USP47: variants seen among roughly 807,000 people sequenced by gnomAD.
The protein encoded by USP47 is ubiquitin specific peptidase 47, also known as ubiquitin carboxyl-terminal hydrolase 47.
In USP47, 35 loss-of-function variants were observed where a neutral mutation model predicts 165.1. The ratio of observed to expected loss-of-function variants is 0.21; its 90% confidence interval spans 0.16 to 0.28. The LOEUF is 0.28. Ranked by LOEUF, USP47 falls within the 10% of genes least tolerant of loss-of-function variation. USP47 has a pLI of 1.00. For missense variants in USP47, 1,277 were observed against 1,607.4 expected (o/e 0.79, Z 3.52); for synonymous variants, 531 against 544.5 (o/e 0.98, Z 0.35).
intron 1 of USP47, among the ~76,000 whole-genome samples, chr11:11,862,319 C>G (rs1360894555): frequency 6.6e-6 from 1 of 152,082 alleles, no homozygotes; most frequent in African/African-American, 2.4e-5. Context: ...AGATTTTCTA[C>G]TTCTGTGGTT....
chr11:11,928,433 G>C (rs1854415111), intron 11 of USP47, among the ~76,000 whole-genome samples: 1 of 151,792 alleles, frequency 6.6e-6, no homozygotes, highest in Non-Finnish European at 1.5e-5. Context: ...AATATATTGT[G>C]GTCAGTTTAA....
At chr11:11,895,558 A>G (rs572806346) in intron 4 of USP47, among the ~76,000 whole-genome samples, 24 of 152,340 alleles carry the variant, frequency 1.6e-4, no homozygotes, top group African/African-American at 4.3e-4. Flanking sequence ...CTCTAGAAAC[A>G]CATTTCTCAG....
chr11:11,872,648 A>G (rs1436049355), intron 1 of USP47, among the ~76,000 whole-genome samples: 2 of 152,238 alleles, frequency 1.3e-5, no homozygotes, highest in African/African-American at 2.4e-5. Flanking sequence ...ACTGCACAGC[A>G]TCACCTCCTT....
chr11:11,933,451 A>G (rs1326235185), intron 15 of USP47, among the ~76,000 whole-genome samples: 1 of 152,130 alleles, frequency 6.6e-6, no homozygotes, highest in African/African-American at 2.4e-5. Context: ...TTTTAATATA[A>G]TTTCTCTTAT....
At chr11:11,912,973 G>T (rs532936769) in intron 8 of USP47, among the ~76,000 whole-genome samples, 1 of 152,076 alleles carries the variant, frequency 6.6e-6, no homozygotes, top group Admixed American at 6.5e-5. Flanking sequence ...TAATAACTCA[G>T]ATTACTAGGA....
At position 11,936,342 on chromosome 11, in the gene USP47, C is replaced by A. The variant is rs763135771; in HGVS notation, c.1909C>A (p.Arg637Ser). ...LEEVIPLDCC[R>S]LVKYDEFHDY... ...AGAGGTAATACCCCTGGATTGCTGTCGCCTTGTTAAATATGATGAGTTTCA... is the reference window on the plus strand; with the variant it reads ...AGAGGTAATACCCCTGGATTGCTGTAGCCTTGTTAAATATGATGAGTTTCA... The change falls in exon 17 of 28, where the codon CGC becomes AGC. Residue 637 changes from arginine (R) to serine (S), a missense_variant. Physicochemically the swap from Arg to Ser is moderately radical, Grantham distance 110. Coordinates refer to ENST00000527733, the MANE Select transcript of USP47 (RefSeq NM_001282659.2). 2 of 1,605,600 alleles carry A rather than the reference C, an allele frequency of 1.2e-6. No homozygotes were observed. Among genetic ancestry groups the A allele is most frequent in the South Asian group, 1.1e-5 (1 of 90,136 alleles).
At chr11:11,948,369 C>T in intron 21 of USP47, 109 bp from the exon 22 acceptor site, 1 of 964,026 alleles carries the variant, frequency 1.0e-6, no homozygotes, top group Non-Finnish European at 1.6e-6. Flanking sequence ...TATGCCTGTT[C>T]TCAGAGAGCC....
intron 1 of USP47, among the ~76,000 whole-genome samples, chr11:11,869,164 G>A (rs1849870213): frequency 6.6e-6 from 1 of 152,046 alleles, no homozygotes; most frequent in African/African-American, 2.4e-5. Context: ...TATGATTTTG[G>A]TGTCAAGGCT....
At chr11:11,864,176 T>A (rs945381052) in intron 1 of USP47, among the ~76,000 whole-genome samples, 1 of 152,048 alleles carries the variant, frequency 6.6e-6, no homozygotes, top group Non-Finnish European at 1.5e-5. Context: ...TTAAAAAAAT[T>A]TTTTTGTATT....
At chr11:11,880,479 A>G in intron 2 of USP47, 99 bp downstream of exon 2, 1 of 945,512 alleles carries the variant, frequency 1.1e-6, no homozygotes, top group Non-Finnish European at 1.4e-6. Context: ...AAAATCATAA[A>G]CAAAAGTATA....
In USP47 at chr11:11,953,753, T is replaced by C. The variant is rs1337180287; in HGVS notation, c.3714+882T>C. On this transcript the variant is annotated intron_variant, in intron 25 of 27. Coordinates refer to ENST00000527733, the MANE Select transcript of USP47 (RefSeq NM_001282659.2). The stretch of plus-strand genomic sequence containing the variant: ...CAATTTATAGAAAAAGAAATACAAA[T>C]TAAAGAATAACGTTATTTTTCACTC... Among the ~76,000 whole-genome samples, 4 of 152,140 alleles carry C rather than the reference T, an allele frequency of 2.6e-5. No individual in the cohort carries two copies. The East Asian group carries it at 7.7e-4, about 29-fold the overall frequency.
At chr11:11,873,839 A>G in intron 1 of USP47, 2 of 1,490,950 alleles carry the variant, frequency 1.3e-6, no homozygotes, top group Non-Finnish European at 1.8e-6. Context: ...CTTTGATGAA[A>G]TGAAGAAGAA....
chr11:11,938,967 A>G (rs963761936), intron 18 of USP47, among the ~76,000 whole-genome samples: 2 of 151,950 alleles, frequency 1.3e-5, no homozygotes, highest in African/African-American at 2.4e-5. Context: ...GTAACCAGAA[A>G]AGTAGGGATA....
intron 3 of USP47, among the ~76,000 whole-genome samples, chr11:11,886,808 A>C (rs1401174445): frequency 6.6e-6 from 1 of 152,180 alleles, no homozygotes. Context: ...CTCCAAGGTC[A>C]AAATGAAATA....
chr11:11,863,326 G>GA (rs1357425594), intron 1 of USP47, among the ~76,000 whole-genome samples: 1 of 152,004 alleles, frequency 6.6e-6, no homozygotes, highest in African/African-American at 2.4e-5. Flanking sequence ...CTTAGAAACT[G>GA]AAAAAAGGCT....
chr11:11,904,808 A>G (rs1852443146), intron 7 of USP47, among the ~76,000 whole-genome samples: 1 of 152,146 alleles, frequency 6.6e-6, no homozygotes, highest in Admixed American at 6.6e-5. Context: ...TTGAATTTCC[A>G]TACATTTTAA....
intron 8 of USP47, among the ~76,000 whole-genome samples, chr11:11,915,948 AT>A (rs1853383103): frequency 6.6e-6 from 1 of 152,192 alleles, no homozygotes; most frequent in Non-Finnish European, 1.5e-5. Context: ...GTAGATTTTA[AT>A]TGATGAATAA....
At chr11:11,932,922 C>T (rs1854780321) in intron 14 of USP47, 82 bp from the exon 15 acceptor site, 1 of 993,588 alleles carries the variant, frequency 1.0e-6, no homozygotes, top group Admixed American at 2.2e-5. Context: ...GAAGTATATA[C>T]CATGAGAGCA....
At chr11:11,936,593 A>G in intron 17 of USP47, 83 bp downstream of exon 17, 1 of 1,176,494 alleles carries the variant, frequency 8.5e-7, no homozygotes, top group East Asian at 2.6e-5. Context: ...AGAAATGAAC[A>G]TAATTTAAAT....
Sources: gnomAD v4.1 joint callset for allele counts (sites outside exome capture counted in the v4.1 genomes callset) on GRCh38, gnomAD v4.1.1 for gene constraint, MANE v1.5 for transcripts, NCBI Gene and HGNC (gene_info 2026-07-23, HGNC 2026-07-21) for gene names.